Variants in ADNP2 observed in about 807,000 individuals in gnomAD.
ADNP2 encodes the protein ADNP homeobox 2, also known as activity-dependent neuroprotector homeobox protein 2.
In ADNP2, 8 loss-of-function variants were observed where a neutral mutation model predicts 16.4. The ratio of observed to expected loss-of-function variants is 0.49; its 90% confidence interval spans 0.29 to 0.88. ADNP2 has a LOEUF of 0.88. Ranked by LOEUF, ADNP2 falls within the 40% of genes least tolerant of loss-of-function variation. ADNP2 has a pLI of 0.09. For synonymous variants in ADNP2, 637 were observed against 545.8 expected, an observed-to-expected ratio of 1.17 and a Z score of -2.33; for missense variants, 1,397 against 1,395.1, an observed-to-expected ratio of 1.00 and a Z score of -0.02.
chr18:80,117,705 T>G, intron 2 of ADNP2, 55 bp downstream of exon 2: 1 of 1,362,486 alleles, frequency 7.3e-7, no homozygotes, highest in Non-Finnish European at 1.0e-6. Context: ...GAACTCGGGT[T>G]TTTGAAGAGT....
In ADNP2 at chr18:80,136,272, G is replaced by C. The variant is rs540505059; in HGVS notation, c.859G>C (p.Ala287Pro). The part of the protein sequence containing the change: ...PANGSAPSAP[A>P]QPPCFHLALP... ...AAATGGCAGTGCTCCAAGCGCTCCA[G>C]CGCAGCCTCCTTGCTTCCATCTTGC... Residue 287 changes from alanine (A) to proline (P), a missense_variant, in exon 4 of 4, where the codon GCG becomes CCG. This residue lies in a region of ADNP2 where 777 missense variants were observed against 719.4 expected (regional missense o/e 1.08). Coordinates refer to ENST00000262198, the MANE Select transcript of ADNP2 (RefSeq NM_014913.4). 209 of 1,613,884 alleles carry C rather than the reference G, an allele frequency of 1.3e-4. 1 individual carries two copies. In the South Asian group the frequency reaches 2.2e-3, roughly 17 times the overall value.
chr18:80,133,113 G>A lies in ADNP2; in HGVS notation c.119G>A (p.Gly40Asp), dbSNP rs764149906. ...CTCCCTTTTTAAAAGGACCTTAAAG[G>A]CTTTGATCCAGGAGAGAAATACTTT... is the stretch of plus-strand genomic sequence containing the variant. ...SCKELLKDLK[G>D]FDPGEKYFHN... Residue 40 changes from glycine (G) to aspartate (D), a missense_variant, in exon 3 of 4, where the codon GGC (glycine) becomes GAC (aspartate). Transcript: ENST00000262198. The A allele has an allele frequency of 6.2e-6, 10 of 1,605,028 alleles. No homozygotes were observed. The South Asian group carries it at 1.0e-4, about 16-fold the overall frequency.
chr18:80,117,618 A>G lies in ADNP2; in HGVS notation c.76A>G (p.Ile26Val). The G allele has an allele frequency of 3.7e-6, 6 of 1,609,088 alleles. No individual in the cohort carries two copies. The highest frequency in any genetic ancestry group is 2.2e-5 in the East Asian group (1 of 44,676). The change falls in exon 2 of 4, where the codon ATT becomes GTT. Residue 26 changes from isoleucine to valine, a missense_variant. Transcript: ENST00000262198. ...RKKVKGILVDIGLDSCKELLK... is the reference protein window; with the variant it reads ...RKKVKGILVDVGLDSCKELLK... Reference sequence around the variant, plus strand: ...AAAGGTGAAAGGTATTCTTGTGGATATTGGGCTTGACAGCTGCAAGGAGTT... The same window carrying G: ...AAAGGTGAAAGGTATTCTTGTGGATGTTGGGCTTGACAGCTGCAAGGAGTT...
chr18:80,110,734 A>T (rs574215083), intron 1 of ADNP2, among the ~76,000 whole-genome samples: 40 of 152,142 alleles, frequency 2.6e-4, no homozygotes, highest in Non-Finnish European at 2.8e-4. Flanking sequence ...TTTCGGTTGG[A>T]GTTAGGACTT....
At position 80,138,206 on chromosome 18, in the gene ADNP2, C is replaced by T. The variant is rs574007042; in HGVS notation, c.2793C>T (p.Ile931=). 31 of 1,614,152 alleles carry T rather than the reference C, an allele frequency of 1.9e-5. No homozygotes were observed. The East Asian group carries it at 2.9e-4, about 15-fold the overall frequency. ...CGGGAAATATGACCCTGGCTGCCATCGCCGTCCATTTGGTGCGCTGCAGAA... is the reference window on the plus strand; with the variant it reads ...CGGGAAATATGACCCTGGCTGCCATTGCCGTCCATTTGGTGCGCTGCAGAA... ...VYTGNMTLAA[I]AVHLVRCRSA... is the part of the protein sequence containing the mutation. Residue 931 remains isoleucine (I), a synonymous_variant, in exon 4 of 4, where the codon ATC becomes ATT. Transcript: ENST00000262198.
intron 2 of ADNP2, among the ~76,000 whole-genome samples, chr18:80,132,497 C>T (rs927511273): frequency 2.1e-4 from 32 of 152,102 alleles, no homozygotes; most frequent in African/African-American, 7.0e-4. Context: ...CTATGGATAC[C>T]GAGGGATGAC....
At chr18:80,124,944 A>C (rs9967005) in intron 2 of ADNP2, among the ~76,000 whole-genome samples, 27,480 of 152,168 alleles carry the variant, frequency 0.18, 2,743 homozygotes, top group Middle Eastern at 0.25. Flanking sequence ...TATAGGCCCA[A>C]CTACAAGTTA....
At chr18:80,127,431 G>A (rs759024995) in intron 2 of ADNP2, among the ~76,000 whole-genome samples, 26 of 147,694 alleles carry the variant, frequency 1.8e-4, no homozygotes, top group Non-Finnish European at 2.7e-4. Context: ...TTCTTCGGCA[G>A]CATCTAATCT....
At chr18:80,119,509 C>T (rs1308933087) in intron 2 of ADNP2, among the ~76,000 whole-genome samples, 1 of 152,086 alleles carries the variant, frequency 6.6e-6, no homozygotes, top group Admixed American at 6.5e-5. Flanking sequence ...CTCACTGCTG[C>T]CTTGCTCTGT....
intron 1 of ADNP2, among the ~76,000 whole-genome samples, chr18:80,111,022 T>C (rs767987346): frequency 3.9e-5 from 6 of 152,194 alleles, no homozygotes; most frequent in Non-Finnish European, 4.4e-5. Context: ...TGTTGGTTAA[T>C]TTATGATTGC....
chr18:80,115,364 A>G (rs1162294591), intron 1 of ADNP2, among the ~76,000 whole-genome samples: 2 of 152,128 alleles, frequency 1.3e-5, no homozygotes, highest in East Asian at 3.9e-4. Flanking sequence ...TTTAAAGGAA[A>G]GCGGTATTTA....
intron 2 of ADNP2, among the ~76,000 whole-genome samples, chr18:80,130,341 A>T (rs1348360615): frequency 6.6e-6 from 1 of 152,200 alleles, no homozygotes; most frequent in Non-Finnish European, 1.5e-5. Context: ...AGGACTGTCC[A>T]TATCACGCGA....
rs751149820 is a variant in ADNP2, at chr18:80,136,394, C to T, written c.981C>T (p.Gly327=). 2.5e-6 allele frequency: 4 copies of T among 1,614,184 alleles called. No individual in the cohort carries two copies. The highest frequency in any genetic ancestry group is 2.2e-5 in the East Asian group (1 of 44,868). ...TCACTCATTCCCCCCCTGCTGCTGG[C>T]CAATCCCACATGACTCTGGTCTCCA... ...GSLTHSPPAA[G]QSHMTLVSSP... Residue 327 remains glycine (G), a synonymous_variant, in exon 4 of 4, where the codon GGC becomes GGT. Transcript: ENST00000262198.
chr18:80,117,051 A>G (rs1189217609), intron 1 of ADNP2, among the ~76,000 whole-genome samples: 1 of 152,232 alleles, frequency 6.6e-6, no homozygotes, highest in African/African-American at 2.4e-5. Flanking sequence ...ATTGAGATAC[A>G]AGAGTTATCT....
At chr18:80,120,925 T>A (rs12958995) in intron 2 of ADNP2, among the ~76,000 whole-genome samples, 27,512 of 152,188 alleles carry the variant, frequency 0.18, 2,759 homozygotes, top group Middle Eastern at 0.25. Context: ...TCTTGTGAAT[T>A]ATGCTGCAAT....
At chr18:80,130,277 T>C (rs2052487678) in intron 2 of ADNP2, among the ~76,000 whole-genome samples, 1 of 152,234 alleles carries the variant, frequency 6.6e-6, no homozygotes, top group African/African-American at 2.4e-5. Context: ...TATACTTTTC[T>C]GTAGGTTCTG....
intron 1 of ADNP2, among the ~76,000 whole-genome samples, chr18:80,113,941 C>T (rs1030405186): frequency 4.6e-5 from 7 of 151,926 alleles, no homozygotes; most frequent in African/African-American, 1.2e-4. Flanking sequence ...CTGTAATCCC[C>T]GTACTTTGAG....
intron 3 of ADNP2, 96 bp from the exon 4 acceptor site, chr18:80,135,516 C>A: frequency 8.1e-7 from 1 of 1,231,760 alleles, no homozygotes; most frequent in Non-Finnish European, 1.1e-6. Context: ...ATGCCTAGCA[C>A]ATTAGAAGAA....
chr18:80,116,891 T>C (rs2052392855), intron 1 of ADNP2, among the ~76,000 whole-genome samples: 1 of 152,178 alleles, frequency 6.6e-6, no homozygotes, highest in African/African-American at 2.4e-5. Flanking sequence ...CTGATCTGTG[T>C]ACCTCAGCCT....
Sources: allele counts gnomAD v4.1 joint callset (sites outside exome capture counted in the v4.1 genomes callset), GRCh38; gene constraint gnomAD v4.1.1; regional missense constraint gnomAD v4.1.1; transcripts MANE v1.5; gene names NCBI Gene and HGNC (gene_info 2026-07-23, HGNC 2026-07-21).